Variants in ST13 observed in about 807,000 individuals in gnomAD.
The protein encoded by ST13 is hsc70-interacting protein.
A neutral mutation model predicts 56.7 loss-of-function variants in ST13; 23 were observed. The ratio of observed to expected loss-of-function variants is 0.41; its 90% CI spans 0.29 to 0.57. ST13 has a LOEUF of 0.57. ST13 is among the 20% of genes least tolerant of loss of function. The pLI is 0.36. For missense variants in ST13, 369 were observed against 459.9 expected (o/e 0.80, Z 1.81); for synonymous variants, 132 against 142.4 (o/e 0.93, Z 0.52).
chr22:40,855,595 G>A (rs1034279587), intron 1 of ST13, among the ~76,000 whole-genome samples: 1 of 152,066 alleles, frequency 6.6e-6, no homozygotes, highest in Non-Finnish European at 1.5e-5. Context: ...AGTCATCTTA[G>A]GGAAGACTTC....
chr22:40,827,298 A>C (rs1459238597), intron 10 of ST13, 69 bp from the exon 11 acceptor site: 3 of 1,547,468 alleles, frequency 1.9e-6, no homozygotes, highest in African/African-American at 1.4e-5. Flanking sequence ...CATCCACAAA[A>C]AGTACAGGTT....
chr22:40,833,586 T>G (rs1266902689), intron 7 of ST13, among the ~76,000 whole-genome samples: 2 of 119,310 alleles, frequency 1.7e-5, no homozygotes, highest in Non-Finnish European at 3.5e-5. Context: ...AAAAAAGAAA[T>G]AAGGTGTGGC....
Position 40,830,951 on chromosome 22 carries a change from C to T in ST13, c.687G>A (p.Gln229=), listed in dbSNP as rs1393544018. 1 of 1,597,898 alleles carries T rather than the reference C, an allele frequency of 6.3e-7. No homozygotes were observed. The highest frequency in any genetic ancestry group is 8.5e-7 in the Non-Finnish European group (1 of 1,177,952). The change falls in exon 9 of 12, where the codon CAG becomes CAA. Residue 229 remains glutamine (Q), a synonymous_variant. Coordinates refer to ENST00000216218, the MANE Select transcript of ST13 (RefSeq NM_003932.5). ...AMLKEVQPRA[Q]KIAEHRRKYE... is the part of the protein sequence containing the mutation. Reference sequence around the variant, plus strand: ...ACTTTCTCCGATGTTCTGCAATTTTCTGTGCCTAGAAAAAAGAGCCATAGC... The same window carrying T: ...ACTTTCTCCGATGTTCTGCAATTTTTTGTGCCTAGAAAAAAGAGCCATAGC...
rs763373209 is a variant in ST13 at position 40,832,166 on chromosome 22, ACTT to A, written c.681+400_681+402del. The A allele has an allele frequency of 4.7e-5, 22 of 471,574 alleles. No individual in the cohort carries two copies. The East Asian group carries it at 9.0e-4, about 19-fold the overall frequency. The allele number at this position is 471,574 out of a possible 1,614,324, so 29.2% of individuals were successfully genotyped here. A position where few individuals can be genotyped will look rare whatever the true frequency, so the allele number is the denominator to read the frequency against. ...ACCGCGCCTGGCCGGAAAGCCTGAA[ACTT>A]CTTAACTTCCACAAGGTCTTCTTGC... On this transcript the variant is annotated intron_variant, in intron 8 of 11. Coordinates refer to ENST00000216218, the MANE Select transcript of ST13 (RefSeq NM_003932.5).
chr22:40,832,317 T>C, intron 8 of ST13: 1 of 510,162 alleles, frequency 2.0e-6, no homozygotes, highest in East Asian at 4.4e-5. Flanking sequence ...CTTTTCTAAT[T>C]TTCTGGTTAT....
At chr22:40,830,642 G>A (rs1000881433) in intron 9 of ST13, among the ~76,000 whole-genome samples, 198 bp downstream of exon 9, 1 of 152,082 alleles carries the variant, frequency 6.6e-6, no homozygotes, top group African/African-American at 2.4e-5. Context: ...TGAAATAAAA[G>A]CTCACTGAAT....
chr22:40,834,943 G>A (rs1171739180), intron 7 of ST13, among the ~76,000 whole-genome samples: 2 of 152,110 alleles, frequency 1.3e-5, no homozygotes, highest in Non-Finnish European at 2.9e-5. Context: ...ATCCACATTT[G>A]AGCCCTTTCA....
chr22:40,830,502 G>A (rs910818159), intron 9 of ST13, among the ~76,000 whole-genome samples: 3 of 152,150 alleles, frequency 2.0e-5, no homozygotes, highest in Non-Finnish European at 2.9e-5. Flanking sequence ...TGGAAGAGAG[G>A]AGGAATCATA....
chr22:40,840,563 C>G (rs919658986), intron 5 of ST13, 63 bp downstream of exon 5: 1 of 1,418,122 alleles, frequency 7.1e-7, no homozygotes, highest in Non-Finnish European at 9.9e-7. Flanking sequence ...TACTTTACCA[C>G]TATTTAAGTT....
rs1000157111 is a variant in ST13, at chr22:40,856,615, C to T, written c.-75G>A. 2 of 1,214,042 alleles carry T rather than the reference C, an allele frequency of 1.6e-6. No homozygotes were observed. Among genetic ancestry groups the T allele is most frequent in the South Asian group, 1.2e-5 (1 of 82,418 alleles). The allele number at this position is 1,214,042 out of a possible 1,614,324, so 75.2% of individuals were successfully genotyped here. A position where few individuals can be genotyped will look rare whatever the true frequency, so the allele number is the denominator to read the frequency against. On this transcript the variant is annotated 5_prime_UTR_variant, in exon 1 of 12. Coordinates refer to ENST00000216218, the MANE Select transcript of ST13 (RefSeq NM_003932.5). ...CCCAGGCGCTGGCTCGGCGTGACCG[C>T]GCAGAAGGGGGCGGCTGCCGCAAGA...
At position 40,825,269 on chromosome 22, in the gene ST13, A is replaced by G. The variant is rs1288184133; in HGVS notation, c.*1269T>C. ...TCATAGTCTCAACAACTCCACAATG[A>G]ATAACTGTGGATTATCTCATTTATA... On this transcript the variant is annotated 3_prime_UTR_variant, in exon 12 of 12. Transcript: ENST00000216218. 1 of 152,168 alleles carries G rather than the reference A, an allele frequency of 6.6e-6. No individual in the cohort carries two copies. Among genetic ancestry groups the G allele is most frequent in the East Asian group, 1.9e-4 (1 of 5,192 alleles). The allele number at this position is 152,168 out of a possible 1,614,324, so 9.4% of individuals were successfully genotyped here. A position where few individuals can be genotyped will look rare whatever the true frequency, so the allele number is the denominator to read the frequency against.
intron 5 of ST13, among the ~76,000 whole-genome samples, chr22:40,837,646 CA>C (rs375296870): frequency 4.1e-5 from 6 of 147,106 alleles, no homozygotes; most frequent in African/African-American, 5.0e-5. Context: ...AACTCCATCT[CA>C]AAAAAAAAAG....
chr22:40,848,976 C>T (rs1164145428), intron 2 of ST13, among the ~76,000 whole-genome samples: 1 of 152,212 alleles, frequency 6.6e-6, no homozygotes, highest in African/African-American at 2.4e-5. Flanking sequence ...GCAACACTTT[C>T]TTCCCATCCT....
chr22:40,848,399 A>G lies in ST13; in HGVS notation c.169-30T>C, dbSNP rs867302661. ...CAAAGGGAAGACAAACAGTACTATC[A>G]GTATTTAATAACATACCGAATATTT... is the stretch of plus-strand genomic sequence containing the variant. On this transcript the variant is annotated intron_variant, in intron 2 of 11. Transcript: ENST00000216218. 2.2e-6 allele frequency: 3 copies of G among 1,349,080 alleles called. No homozygotes were observed. In the East Asian group the frequency reaches 6.9e-5, roughly 31 times the overall value. 83.6% of individuals were successfully genotyped at this position (1,349,080 alleles called of 1,614,324 possible).
At chr22:40,828,725 C>G (rs2057740439) in intron 10 of ST13, among the ~76,000 whole-genome samples, 2 of 152,030 alleles carry the variant, frequency 1.3e-5, no homozygotes, top group East Asian at 1.9e-4. Flanking sequence ...TCATTTTTAC[C>G]TGCTTCCACA....
At chr22:40,844,779 G>C (rs960744402) in intron 4 of ST13, 60 bp downstream of exon 4, 3 of 1,363,572 alleles carry the variant, frequency 2.2e-6, no homozygotes, top group African/African-American at 2.9e-5. Context: ...TAAAATCATT[G>C]CAACAGCAGG....
chr22:40,838,940 A>G (rs900674481), intron 5 of ST13, among the ~76,000 whole-genome samples: 13 of 152,294 alleles, frequency 8.5e-5, no homozygotes, highest in African/African-American at 3.1e-4. Context: ...CTAGAACAGT[A>G]AAGTCTGACT....
At chr22:40,833,902 TAAC>T (rs1043620070) in intron 7 of ST13, among the ~76,000 whole-genome samples, 4 of 151,962 alleles carry the variant, frequency 2.6e-5, no homozygotes, top group African/African-American at 9.6e-5. Flanking sequence ...TGTATTGCAT[TAAC>T]AACATAAGCT....
chr22:40,853,821 T>C (rs1481395102), intron 1 of ST13, among the ~76,000 whole-genome samples: 1 of 152,058 alleles, frequency 6.6e-6, no homozygotes, highest in African/African-American at 2.4e-5. Context: ...TTAATTACCA[T>C]CAAGTAAAGC....
Sources: allele counts gnomAD v4.1 joint callset (sites outside exome capture counted in the v4.1 genomes callset), GRCh38; gene constraint gnomAD v4.1.1; transcripts MANE v1.5; gene names NCBI Gene and HGNC (gene_info 2026-07-23, HGNC 2026-07-21).